XKR6: variants seen among roughly 807,000 people sequenced by gnomAD.
XKR6 encodes XK-related protein 6.
In XKR6, 22 loss-of-function variants were observed where a neutral mutation model predicts 56.7. That is an observed-to-expected ratio of 0.39 (90% CI 0.28 to 0.55). The LOEUF (loss-of-function observed/expected upper bound fraction) is 0.55, where lower values mean the gene tolerates loss of function less well. XKR6 is among the 20% of genes least tolerant of loss of function. The pLI is 0.66. For missense variants in XKR6, 852 were observed against 889.0 expected (o/e 0.96, Z 0.53); for synonymous variants, 524 against 387.8 (o/e 1.35, Z -4.13).
intron 1 of XKR6, among the ~76,000 whole-genome samples, chr8:11,020,610 C>A (rs1377506728): frequency 6.6e-6 from 1 of 152,202 alleles, no homozygotes; most frequent in Non-Finnish European, 1.5e-5. Flanking sequence ...GAAGGGAACA[C>A]CCCAGCCCCT....
At chr8:11,133,502 T>C (rs1055580479) in intron 1 of XKR6, among the ~76,000 whole-genome samples, 1 of 152,120 alleles carries the variant, frequency 6.6e-6, no homozygotes, top group East Asian at 1.9e-4. Flanking sequence ...TTTCGGAGTA[T>C]GGACCTTGAA....
At chr8:11,109,539 C>A (rs1464237140) in intron 1 of XKR6, 1 of 152,222 alleles carries the variant, frequency 6.6e-6, no homozygotes, top group Non-Finnish European at 1.5e-5. Context: ...CAGCTCCAGA[C>A]CCGGCATGGA....
intron 1 of XKR6, among the ~76,000 whole-genome samples, chr8:10,954,998 A>G (rs1200245418): frequency 6.6e-6 from 1 of 151,222 alleles, no homozygotes; most frequent in Non-Finnish European, 1.5e-5. Flanking sequence ...TCTCCCGAGT[A>G]GCTAGGATTA....
At chr8:10,975,472 G>A (rs1327698724) in intron 1 of XKR6, among the ~76,000 whole-genome samples, 5 of 152,366 alleles carry the variant, frequency 3.3e-5, no homozygotes, top group South Asian at 2.1e-4. Context: ...CCAGAGCCAC[G>A]TGCTTGCCCA....
At chr8:11,047,258 C>T (rs1298074005) in intron 1 of XKR6, among the ~76,000 whole-genome samples, 1 of 152,148 alleles carries the variant, frequency 6.6e-6, no homozygotes, top group Non-Finnish European at 1.5e-5. Context: ...CACAGTACAC[C>T]ATTAATACAT....
At chr8:11,072,843 G>A (rs1800168303) in intron 1 of XKR6, among the ~76,000 whole-genome samples, 1 of 152,002 alleles carries the variant, frequency 6.6e-6, no homozygotes, top group African/African-American at 2.4e-5. Flanking sequence ...TGAGGTCAGG[G>A]GTTTGAGACC....
intron 1 of XKR6, among the ~76,000 whole-genome samples, chr8:11,159,723 C>G (rs933215298): frequency 6.6e-6 from 1 of 152,226 alleles, no homozygotes; most frequent in Non-Finnish European, 1.5e-5. Context: ...AACCACTGAA[C>G]TAATAATGGC....
intron 2 of XKR6, among the ~76,000 whole-genome samples, chr8:10,904,495 C>T (rs768038809): frequency 9.9e-5 from 15 of 152,158 alleles, no homozygotes; most frequent in African/African-American, 3.1e-4. Context: ...CAAAGCAACA[C>T]GTGTGGATAT....
intron 1 of XKR6, among the ~76,000 whole-genome samples, chr8:10,936,500 G>T (rs1432724310): frequency 1.3e-4 from 1 of 7,730 alleles, no homozygotes; most frequent in Non-Finnish European, 3.1e-4. Context: ...TAGTCTCGAT[G>T]GTCTTTACAT....
At chr8:11,126,675 C>T (rs1799814911) in intron 1 of XKR6, among the ~76,000 whole-genome samples, 1 of 152,158 alleles carries the variant, frequency 6.6e-6, no homozygotes, top group Admixed American at 6.5e-5. Context: ...ACAGGGTCAA[C>T]AAAACAATCT....
At chr8:10,948,974 G>C (rs576373637) in intron 1 of XKR6, among the ~76,000 whole-genome samples, 19 of 152,352 alleles carry the variant, frequency 1.2e-4, no homozygotes, top group African/African-American at 2.2e-4. Flanking sequence ...GGGCGGTGCA[G>C]CCTCTCGGGA....
intron 1 of XKR6, among the ~76,000 whole-genome samples, chr8:11,015,972 C>T (rs1046354124): frequency 6.6e-6 from 1 of 152,102 alleles, no homozygotes. Flanking sequence ...TCCATGAGGG[C>T]GGGCAGCAGG....
intron 1 of XKR6, among the ~76,000 whole-genome samples, chr8:10,973,627 C>T (rs1007678105): frequency 1.3e-5 from 2 of 151,966 alleles, no homozygotes; most frequent in Admixed American, 6.6e-5. Context: ...TTGCCCAGGC[C>T]GGAGTGCAGT....
intron 1 of XKR6, among the ~76,000 whole-genome samples, chr8:10,994,258 C>A (rs966578474): frequency 2.0e-5 from 3 of 152,234 alleles, no homozygotes; most frequent in African/African-American, 7.2e-5. Flanking sequence ...CCTTCAGACC[C>A]TCTCATTTTG....
intron 1 of XKR6, among the ~76,000 whole-genome samples, chr8:11,016,255 G>T (rs1453942271): frequency 2.6e-5 from 4 of 152,174 alleles, no homozygotes; most frequent in Non-Finnish European, 4.4e-5. Flanking sequence ...TTGGCCGGGG[G>T]CCTCTGCGTC....
intron 1 of XKR6, among the ~76,000 whole-genome samples, chr8:11,037,269 A>T (rs1189830324): frequency 1.3e-5 from 2 of 152,210 alleles, no homozygotes; most frequent in Admixed American, 1.3e-4. Context: ...ACTCTCACCC[A>T]GGCTGGAGTG....
At chr8:11,133,055 A>C (rs1045537978) in intron 1 of XKR6, among the ~76,000 whole-genome samples, 8 of 152,188 alleles carry the variant, frequency 5.3e-5, no homozygotes, top group African/African-American at 1.9e-4. Flanking sequence ...TATAGTGAGG[A>C]GACAGTGAGT....
intron 1 of XKR6, among the ~76,000 whole-genome samples, chr8:10,945,268 G>A (rs887249383): frequency 6.6e-5 from 10 of 152,314 alleles, no homozygotes; most frequent in African/African-American, 2.2e-4. Context: ...CGGATCACAC[G>A]AGGTCGGGAG....
At chr8:10,956,056 G>C (rs1030082511) in intron 1 of XKR6, among the ~76,000 whole-genome samples, 8 of 152,198 alleles carry the variant, frequency 5.3e-5, no homozygotes, top group African/African-American at 1.9e-4. Flanking sequence ...GCTGAGCCCT[G>C]AGAGGGATGT....
Sources: allele counts gnomAD v4.1 joint callset (sites outside exome capture counted in the v4.1 genomes callset), GRCh38; gene constraint gnomAD v4.1.1; transcripts MANE v1.5; gene names NCBI Gene and HGNC (gene_info 2026-07-23, HGNC 2026-07-21).